The following PKP2 variants were observed in gnomAD, a reference collection of about 807,000 sequenced individuals.
PKP2 encodes plakophilin-2.
PKP2 carries 73 observed loss-of-function variants against 83.4 expected under a neutral mutation model. That is an observed-to-expected ratio of 0.88 (90% CI 0.72 to 1.06). The LOEUF (loss-of-function observed/expected upper bound fraction) is 1.06. PKP2 is among the 50% of genes least tolerant of loss of function. The pLI is 0.00. For synonymous variants in PKP2, 409 were observed against 430.4 expected (o/e 0.95, Z 0.62); for missense variants, 966 against 1,065.4 (o/e 0.91, Z 1.30).
At position 32,825,555 on chromosome 12, in the gene PKP2, C is replaced by T. The variant is rs141183939; in HGVS notation, c.1557-1393G>A. Among the ~76,000 whole-genome samples, 198 of 152,270 alleles carry T rather than the reference C, an allele frequency of 1.3e-3. 1 individual carries two copies. Among genetic ancestry groups the T allele is most frequent in the Admixed American group, 2.2e-3 (34 of 15,290 alleles). ...TATAATGTGTTAGTGTCATTCTGAA[C>T]ATCAAAAAGAACTGCAACTTTGAGA... On this transcript the variant is annotated intron_variant, in intron 6 of 12. Coordinates refer to ENST00000340811, the MANE Select transcript of PKP2 (RefSeq NM_001005242.3).
chr12:32,824,029 T>A lies in PKP2; in HGVS notation c.1674+16A>T, dbSNP rs1401558041. 2 of 1,425,630 alleles carry A rather than the reference T, an allele frequency of 1.4e-6. No homozygotes were observed. 88.3% of individuals were successfully genotyped at this position (1,425,630 alleles called of 1,614,324 possible). A position where few individuals can be genotyped will look rare whatever the true frequency, so the allele number is the denominator to read the frequency against. ...ATCTTAGTAAGACAAAACAGGATAT[T>A]TATCTCTTGAATTACCTTGTCATCT... On this transcript the variant is annotated intron_variant, in intron 7 of 12. Coordinates refer to ENST00000340811, the MANE Select transcript of PKP2 (RefSeq NM_001005242.3).
intron 6 of PKP2, among the ~76,000 whole-genome samples, chr12:32,835,441 C>G (rs1481348818): frequency 6.6e-6 from 1 of 151,324 alleles, no homozygotes; most frequent in Non-Finnish European, 1.5e-5. Context: ...AACTGCAATA[C>G]ATATTTTAAC....
intron 10 of PKP2, among the ~76,000 whole-genome samples, chr12:32,797,462 A>AAAAAAAAAAG (rs1168631160): frequency 6.7e-6 from 1 of 149,700 alleles, no homozygotes; most frequent in African/African-American, 2.5e-5. Flanking sequence ...AAAAAAAAAA[A>AAAAAAAAAAG]GAATACATAC....
At chr12:32,826,621 G>A (rs1287776445) in intron 6 of PKP2, among the ~76,000 whole-genome samples, 4 of 151,724 alleles carry the variant, frequency 2.6e-5, no homozygotes, top group African/African-American at 4.8e-5. Context: ...TGAAAAACTC[G>A]GACAGTTTGT....
rs1287580574 is a variant in PKP2 at position 32,791,197 on chromosome 12, A to G, written c.*1227T>C. 6.8e-6 allele frequency: 1 copy of G among 147,544 alleles called. No homozygotes were observed. The highest frequency in any genetic ancestry group is 1.5e-5 in the Non-Finnish European group (1 of 66,826). 9.1% of individuals were successfully genotyped at this position (147,544 alleles called of 1,614,324 possible). On this transcript the variant is annotated 3_prime_UTR_variant, in exon 13 of 13. Transcript: ENST00000340811. ...CATAGCGCAGTTAAAACAACATTTA[A>G]TGTAGATTCATTTCGCTGGATGATG...
intron 3 of PKP2, among the ~76,000 whole-genome samples, chr12:32,871,655 G>A (rs1055930423): frequency 1.8e-4 from 28 of 151,992 alleles, no homozygotes; most frequent in Admixed American, 3.9e-4. Context: ...TAGTAGAGAT[G>A]GGGTTTCACC....
At chr12:32,798,374 A>G (rs1956150581) in intron 10 of PKP2, among the ~76,000 whole-genome samples, 1 of 152,044 alleles carries the variant, frequency 6.6e-6, no homozygotes. Context: ...TACAGGCGTG[A>G]GCCACTGCGC....
chr12:32,794,918 T>C (rs916745117), intron 11 of PKP2, among the ~76,000 whole-genome samples: 1 of 152,200 alleles, frequency 6.6e-6, no homozygotes, highest in East Asian at 1.9e-4. Flanking sequence ...GGGGCTGTAG[T>C]AGAGGTAACA....
intron 1 of PKP2, among the ~76,000 whole-genome samples, chr12:32,895,864 G>A (rs913647672): frequency 6.6e-6 from 1 of 152,202 alleles, no homozygotes; most frequent in Admixed American, 6.5e-5. Flanking sequence ...GGCTGTTGCC[G>A]GCAGGGCCAA....
rs1312027182 is a variant in PKP2, at chr12:32,843,263, G to A, written c.1379-2058C>T. ...CCCAAAGTGCTGGGATTACAGGCGT[G>A]AGCCACCGCGCCCGGCCAGCCATTC... On this transcript the variant is annotated intron_variant, in intron 5 of 12. Transcript: ENST00000340811. 3.1e-6 allele frequency: 4 copies of A among 1,287,156 alleles called. No individual in the cohort carries two copies. The East Asian group carries it at 1.4e-4, about 45-fold the overall frequency. The allele number at this position is 1,287,156 out of a possible 1,614,324, so 79.7% of individuals were successfully genotyped here. A position where few individuals can be genotyped will look rare whatever the true frequency, so the allele number is the denominator to read the frequency against.
chr12:32,828,254 A>G (rs1268578327), intron 6 of PKP2, among the ~76,000 whole-genome samples: 1 of 152,190 alleles, frequency 6.6e-6, no homozygotes, highest in Non-Finnish European at 1.5e-5. Flanking sequence ...CAAATCTGTG[A>G]CTTTTCACTC....
intron 9 of PKP2, among the ~76,000 whole-genome samples, chr12:32,812,842 C>T (rs2137751386): frequency 6.6e-6 from 1 of 152,298 alleles, no homozygotes; most frequent in South Asian, 2.1e-4. Context: ...TCACTATTTC[C>T]ATACAAATGA....
intron 1 of PKP2, among the ~76,000 whole-genome samples, chr12:32,880,535 C>G (rs141311957): frequency 6.6e-6 from 1 of 152,296 alleles, no homozygotes; most frequent in South Asian, 2.1e-4. Context: ...GGAAATCAAC[C>G]TCTATGCTCC....
intron 7 of PKP2, among the ~76,000 whole-genome samples, chr12:32,823,073 C>G (rs1194496940): frequency 6.6e-6 from 1 of 152,130 alleles, no homozygotes; most frequent in Non-Finnish European, 1.5e-5. Flanking sequence ...AGACAGCACA[C>G]AATTACTCAG....
rs1365593774 is a variant in PKP2, at chr12:32,796,231, A to T, written c.2235T>A (p.Ile745=). The part of the protein sequence containing the change: ...PDTVPSTDLL[I]ETTASACYTL... ...TGTAACAGGCAGAGGCTGTAGTTTC[A>T]ATGAGAAGGTCAGTACTCGGGACTG... The change falls in exon 11 of 13, where the codon ATT becomes ATA. Residue 745 remains isoleucine, a synonymous_variant. Coordinates refer to ENST00000340811, the MANE Select transcript of PKP2 (RefSeq NM_001005242.3). The T allele has an allele frequency of 6.2e-7, 1 of 1,613,912 alleles. No homozygotes were observed. The highest frequency in any genetic ancestry group is 1.3e-5 in the African/African-American group (1 of 74,982).
rs577686758 is a variant in PKP2 at position 32,821,914 on chromosome 12, C to T, written c.1840-385G>A. 22 of 260,684 alleles carry T rather than the reference C, an allele frequency of 8.4e-5. 1 individual carries two copies. In the South Asian group the frequency reaches 1.0e-3, roughly 12 times the overall value. 16.1% of individuals were successfully genotyped at this position (260,684 alleles called of 1,614,324 possible). ...AGTCTTGTGAAAGTGTCCAGGATAG[C>T]ACCAGGGTTCTAAATTTACCAGCTG... On this transcript the variant is annotated intron_variant, in intron 8 of 12. Transcript: ENST00000340811.
chr12:32,858,064 CAAAAAA>C (rs777690496), intron 4 of PKP2, among the ~76,000 whole-genome samples: 575 of 27,226 alleles, frequency 0.021, 4 homozygotes, highest in Middle Eastern at 0.045. Context: ...CCCATCTCTA[CAAAAAA>C]AAAAAAAAAA....
intron 7 of PKP2, 87 bp from the exon 8 acceptor site, chr12:32,822,718 CA>C: frequency 7.0e-7 from 1 of 1,435,814 alleles, no homozygotes; most frequent in Non-Finnish European, 9.7e-7. Flanking sequence ...TTAGCTCTTA[CA>C]AGGTTTACCA....
intron 10 of PKP2, among the ~76,000 whole-genome samples, chr12:32,801,688 T>C (rs1383044722): frequency 6.6e-6 from 1 of 152,230 alleles, no homozygotes; most frequent in African/African-American, 2.4e-5. Flanking sequence ...TACAGAGCAT[T>C]ATGAAGCATG....
Sources: gnomAD v4.1 joint callset for allele counts (sites outside exome capture counted in the v4.1 genomes callset) on GRCh38, gnomAD v4.1.1 for gene constraint, MANE v1.5 for transcripts, NCBI Gene and HGNC (gene_info 2026-07-23, HGNC 2026-07-21) for gene names.